PPARGC1A: variants seen among roughly 807,000 people sequenced by gnomAD.
The protein encoded by PPARGC1A is PPARG coactivator 1 alpha, also known as peroxisome proliferator-activated receptor gamma coactivator 1-alpha.
In PPARGC1A, 25 loss-of-function variants were observed where a neutral mutation model predicts 88.7. That is an observed-to-expected ratio of 0.28 (90% CI 0.21 to 0.39). The LOEUF is 0.39. Ranked by LOEUF, PPARGC1A falls within the 10% of genes least tolerant of loss-of-function variation. PPARGC1A has a pLI of 1.00. For missense variants in PPARGC1A, 880 were observed against 968.7 expected (o/e 0.91, Z 1.22); for synonymous variants, 363 against 355.6 (o/e 1.02, Z -0.24).
the PPARGC1A span, among the ~76,000 whole-genome samples, chr4:24,380,150 A>C: frequency 1.3e-5 from 2 of 152,070 alleles, no homozygotes; most frequent in Admixed American, 6.6e-5. Context: ...ATTTAAAGGG[A>C]AACAAAATCA....
the PPARGC1A span, among the ~76,000 whole-genome samples, chr4:23,929,636 A>G: frequency 6.6e-6 from 1 of 152,184 alleles, no homozygotes; most frequent in African/African-American, 2.4e-5. Context: ...TGCGGCACCC[A>G]TTATGGAGAG....
intron 1 of PPARGC1A, among the ~76,000 whole-genome samples, chr4:23,898,178 C>A (rs1362691266): frequency 6.6e-6 from 1 of 152,146 alleles, no homozygotes; most frequent in Non-Finnish European, 1.5e-5. Flanking sequence ...TAGAAGGAAT[C>A]AGCTGAGATA....
Position 23,885,678 on chromosome 4 carries a change from G to A in PPARGC1A, c.55-747C>T, listed in dbSNP as rs142274661. Among the ~76,000 whole-genome samples, 515 of 152,108 alleles carry A rather than the reference G, an allele frequency of 3.4e-3. 3 individuals are homozygous for A. The highest frequency in any genetic ancestry group is 0.01 in the African/African-American group (415 of 41,492). Reference sequence around the variant, plus strand: ...TGTGTGTGTGTATGTGTTTGCACACGTATGTGTGTGTACGGTTGGAATCAC... The same window carrying A: ...TGTGTGTGTGTATGTGTTTGCACACATATGTGTGTGTACGGTTGGAATCAC... On this transcript the variant is annotated intron_variant, in intron 1 of 12. Coordinates refer to ENST00000264867, the MANE Select transcript of PPARGC1A (RefSeq NM_013261.5).
chr4:23,899,214 C>T (rs1008370608), intron 1 of PPARGC1A: 1 of 152,212 alleles, frequency 6.6e-6, no homozygotes, highest in Non-Finnish European at 1.5e-5. Context: ...TAAAAACAGG[C>T]CACACCTAAC....
At chr4:23,925,709 G>A in the PPARGC1A span, among the ~76,000 whole-genome samples, 1 of 152,184 alleles carries the variant, frequency 6.6e-6, no homozygotes, top group Non-Finnish European at 1.5e-5. Context: ...GAAGGGGTAA[G>A]ATGTGAGGAG....
chr4:24,122,993 G>A, the PPARGC1A span, among the ~76,000 whole-genome samples: 1 of 152,128 alleles, frequency 6.6e-6, no homozygotes. Flanking sequence ...CTCAAATGGG[G>A]AAGGCTAAAG....
the PPARGC1A span, among the ~76,000 whole-genome samples, chr4:24,346,624 C>G: frequency 0.18 from 27,044 of 151,990 alleles, 2,557 homozygotes; most frequent in Non-Finnish European, 0.2. Flanking sequence ...TGTAATATCT[C>G]CTGTTTCATT....
At chr4:23,871,264 A>C (rs539720270) in intron 2 of PPARGC1A, among the ~76,000 whole-genome samples, 1 of 151,848 alleles carries the variant, frequency 6.6e-6, no homozygotes, top group African/African-American at 2.4e-5. Context: ...ACTGACACAA[A>C]GTCCTTCAGG....
intron 5 of PPARGC1A, among the ~76,000 whole-genome samples, chr4:23,828,144 AT>A (rs1391601513): frequency 1.3e-5 from 2 of 152,144 alleles, no homozygotes; most frequent in Non-Finnish European, 2.9e-5. Context: ...TGATGTTGCA[AT>A]TCCTCACCAC....
chr4:24,271,350 A>G, the PPARGC1A span, among the ~76,000 whole-genome samples: 1 of 149,348 alleles, frequency 6.7e-6, no homozygotes, highest in African/African-American at 2.5e-5. Flanking sequence ...TGAGATTTGG[A>G]GTCATTCTTC....
the PPARGC1A span, among the ~76,000 whole-genome samples, chr4:24,324,326 C>T: frequency 7.2e-5 from 11 of 152,118 alleles, no homozygotes; most frequent in African/African-American, 2.7e-4. Flanking sequence ...GGGCAAGAAC[C>T]CCCCAGTCGC....
At chr4:23,839,432 A>G (rs1411117109) in intron 2 of PPARGC1A, among the ~76,000 whole-genome samples, 1 of 152,132 alleles carries the variant, frequency 6.6e-6, no homozygotes, top group Non-Finnish European at 1.5e-5. Flanking sequence ...TAGGCCTGAA[A>G]AGAGCGAGCA....
chr4:24,393,038 CACACA>C, the PPARGC1A span, among the ~76,000 whole-genome samples: 1 of 151,836 alleles, frequency 6.6e-6, no homozygotes, highest in Non-Finnish European at 1.5e-5. Flanking sequence ...CACACACACA[CACACA>C]CACACCCCTT....
the PPARGC1A span, among the ~76,000 whole-genome samples, chr4:24,173,051 T>C: frequency 6.6e-6 from 1 of 152,164 alleles, no homozygotes; most frequent in Non-Finnish European, 1.5e-5. Context: ...CAGAAGATCA[T>C]ATATGGAAGT....
chr4:24,341,725 A>G, the PPARGC1A span, among the ~76,000 whole-genome samples: 2 of 152,246 alleles, frequency 1.3e-5, no homozygotes, highest in Admixed American at 6.5e-5. Context: ...CACAGATTAA[A>G]GGCCTTGAGA....
At chr4:24,217,686 C>T in the PPARGC1A span, among the ~76,000 whole-genome samples, 1 of 152,138 alleles carries the variant, frequency 6.6e-6, no homozygotes, top group African/African-American at 2.4e-5. Flanking sequence ...ACCTGTAGTC[C>T]CAGCTACCCA....
the PPARGC1A span, among the ~76,000 whole-genome samples, chr4:24,100,225 C>T: frequency 2.0e-5 from 3 of 152,090 alleles, no homozygotes; most frequent in Admixed American, 6.6e-5. Context: ...CAATGGGCTA[C>T]GGACACTTAC....
chr4:23,919,814 C>G, the PPARGC1A span, among the ~76,000 whole-genome samples: 1 of 152,130 alleles, frequency 6.6e-6, no homozygotes, highest in Non-Finnish European at 1.5e-5. Context: ...GCAGAACATA[C>G]AGATAGAGAG....
chr4:24,040,926 G>C, the PPARGC1A span, among the ~76,000 whole-genome samples: 1 of 152,264 alleles, frequency 6.6e-6, no homozygotes, highest in East Asian at 1.9e-4. Flanking sequence ...CCATCCTTTA[G>C]AAGTAGAAGA....
Sources: gnomAD v4.1 joint callset for allele counts (sites outside exome capture counted in the v4.1 genomes callset) on GRCh38, gnomAD v4.1.1 for gene constraint, MANE v1.5 for transcripts, NCBI Gene and HGNC (gene_info 2026-07-23, HGNC 2026-07-21) for gene names.